PDLIM5: variants seen among roughly 807,000 people sequenced by gnomAD.
The protein encoded by PDLIM5 is PDZ and LIM domain protein 5.
A neutral mutation model predicts 64.2 loss-of-function variants in PDLIM5; 34 were observed. That is an observed-to-expected ratio of 0.53 (90% confidence interval 0.40 to 0.71). PDLIM5 has a LOEUF of 0.71. PDLIM5 is among the 30% of genes least tolerant of loss of function. The probability of loss-of-function intolerance (pLI) is 0.00; values close to 1 mark genes in which losing one functional copy is unlikely to be tolerated. For missense variants in PDLIM5, 683 were observed against 733.6 expected, an observed-to-expected ratio of 0.93 and a Z score of 0.80; for synonymous variants, 253 against 269.1, an observed-to-expected ratio of 0.94 and a Z score of 0.59.
At chr4:94,621,464 A>G (rs947422871) in intron 8 of PDLIM5, among the ~76,000 whole-genome samples, 3 of 152,204 alleles carry the variant, frequency 2.0e-5, no homozygotes, top group Admixed American at 6.5e-5. Context: ...TGGTATGGTA[A>G]TTGGAAGCTA....
rs1261479977 is a variant in PDLIM5, at chr4:94,666,534, A to C, written c.*2467A>C. On this transcript the variant is annotated 3_prime_UTR_variant, in exon 13 of 13. Coordinates refer to ENST00000317968, the MANE Select transcript of PDLIM5 (RefSeq NM_006457.5). ...ACATCTTTACAGTCTTGTATGTTAT[A>C]GAATACAAAATAAGTTGATGGTTTT... 1.3e-5 allele frequency: 2 copies of C among 152,852 alleles called. No homozygotes were observed. The highest frequency in any genetic ancestry group is 4.8e-5 in the African/African-American group (2 of 41,454). 9.5% of individuals were successfully genotyped at this position (152,852 alleles called of 1,614,324 possible). A position where few individuals can be genotyped will look rare whatever the true frequency, so the allele number is the denominator to read the frequency against.
chr4:94,489,503 C>T (rs1726663465), intron 2 of PDLIM5, among the ~76,000 whole-genome samples: 1 of 151,906 alleles, frequency 6.6e-6, no homozygotes, highest in Non-Finnish European at 1.5e-5. Context: ...TAATTAGGTG[C>T]AGAATATTCA....
At chr4:94,660,885 C>A (rs1247076909) in intron 11 of PDLIM5, among the ~76,000 whole-genome samples, 1 of 151,078 alleles carries the variant, frequency 6.6e-6, no homozygotes, top group Non-Finnish European at 1.5e-5. Flanking sequence ...CCAGCCTGGG[C>A]AAGATGGGGA....
intron 2 of PDLIM5, among the ~76,000 whole-genome samples, chr4:94,513,897 C>T (rs1729118352): frequency 6.6e-6 from 1 of 152,062 alleles, no homozygotes; most frequent in Non-Finnish European, 1.5e-5. Context: ...TGGTATGTTC[C>T]TCTATTCCCA....
At chr4:94,544,584 C>T (rs1262234443) in intron 3 of PDLIM5, among the ~76,000 whole-genome samples, 7 of 152,200 alleles carry the variant, frequency 4.6e-5, no homozygotes, top group Non-Finnish European at 8.8e-5. Context: ...TCCACCACCA[C>T]ACTGTGATGG....
intron 3 of PDLIM5, chr4:94,549,987 A>T (rs1268462491): frequency 2.0e-5 from 3 of 152,158 alleles, no homozygotes; most frequent in Non-Finnish European, 2.9e-5. Context: ...ATATTTGTAT[A>T]ATGATTTACA....
chr4:94,665,777 AG>A lies in PDLIM5; in HGVS notation c.*1711del. 7.9e-7 allele frequency: 1 copy of A among 1,273,434 alleles called. No individual in the cohort carries two copies. The highest frequency in any genetic ancestry group is 9.9e-7 in the Non-Finnish European group (1 of 1,012,206). The allele number at this position is 1,273,434 out of a possible 1,614,324, so 78.9% of individuals were successfully genotyped here. Reference sequence around the variant, plus strand: ...TTTTTGTGGTTTTCTCTCAATAATAAGTGAACCAATTTCAAATGTGATCACA... The same window carrying A: ...TTTTTGTGGTTTTCTCTCAATAATAATGAACCAATTTCAAATGTGATCACA... On this transcript the variant is annotated 3_prime_UTR_variant, in exon 13 of 13. Transcript: ENST00000317968.
chr4:94,571,651 G>C (rs779748029), intron 3 of PDLIM5, among the ~76,000 whole-genome samples: 2 of 152,028 alleles, frequency 1.3e-5, no homozygotes, highest in African/African-American at 4.8e-5. Flanking sequence ...AATTTTTTTC[G>C]TAATTATACC....
intron 7 of PDLIM5, among the ~76,000 whole-genome samples, chr4:94,602,108 T>G (rs910757147): frequency 1.4e-4 from 21 of 152,214 alleles, no homozygotes; most frequent in African/African-American, 5.1e-4. Context: ...AAGGACAATT[T>G]ATTGTCATTT....
At chr4:94,607,724 C>T (rs1249228448) in intron 7 of PDLIM5, among the ~76,000 whole-genome samples, 4 of 152,118 alleles carry the variant, frequency 2.6e-5, no homozygotes, top group Non-Finnish European at 5.9e-5. Flanking sequence ...TATTGGGCAA[C>T]TTAATTAACT....
At chr4:94,649,545 A>G (rs1430052191) in intron 9 of PDLIM5, among the ~76,000 whole-genome samples, 1 of 151,982 alleles carries the variant, frequency 6.6e-6, no homozygotes, top group Non-Finnish European at 1.5e-5. Context: ...TCTTACTGTC[A>G]TCTCCCTGCC....
At chr4:94,561,253 G>A (rs78350590) in intron 3 of PDLIM5, among the ~76,000 whole-genome samples, 2,480 of 152,304 alleles carry the variant, frequency 0.016, 66 homozygotes, top group African/African-American at 0.057. Context: ...GTTCCCTTGA[G>A]CTTGAAGAGA....
intron 3 of PDLIM5, among the ~76,000 whole-genome samples, chr4:94,542,586 G>A (rs1163116772): frequency 2.0e-5 from 3 of 152,112 alleles, no homozygotes; most frequent in Non-Finnish European, 4.4e-5. Context: ...TGGCTAAAGT[G>A]TCTCTTTGGG....
chr4:94,456,464 C>G, intron 2 of PDLIM5: 1 of 700,710 alleles, frequency 1.4e-6, no homozygotes. Context: ...TCCCAAAGTG[C>G]TAAGATTACA....
intron 2 of PDLIM5, among the ~76,000 whole-genome samples, chr4:94,474,376 G>T (rs916105630): frequency 6.6e-6 from 1 of 151,884 alleles, no homozygotes; most frequent in South Asian, 2.1e-4. Flanking sequence ...TCAGCCTCCC[G>T]AGCGGCTGGG....
chr4:94,529,197 A>T (rs1203813595), intron 3 of PDLIM5, among the ~76,000 whole-genome samples: 1 of 152,156 alleles, frequency 6.6e-6, no homozygotes, highest in Non-Finnish European at 1.5e-5. Context: ...TTTGGAGAGA[A>T]ATAACTTACA....
chr4:94,637,081 G>C (rs976263185), intron 8 of PDLIM5, among the ~76,000 whole-genome samples: 3 of 152,134 alleles, frequency 2.0e-5, no homozygotes, highest in African/African-American at 7.2e-5. Context: ...GCATGTTCAA[G>C]GGATAGTGAA....
At chr4:94,580,717 G>A (rs1316739845) in intron 5 of PDLIM5, among the ~76,000 whole-genome samples, 1 of 152,000 alleles carries the variant, frequency 6.6e-6, no homozygotes, top group Non-Finnish European at 1.5e-5. Flanking sequence ...CATGCCAAGA[G>A]ATTACATACC....
rs1365350419 is a variant in PDLIM5 at position 94,546,760 on chromosome 4, C to T, written c.248+22885C>T. Among the ~76,000 whole-genome samples the T allele has an allele frequency of 1.3e-5, 2 of 151,902 alleles. 1 individual carries two copies. Among genetic ancestry groups the T allele is most frequent in the South Asian group, 4.2e-4 (2 of 4,818 alleles). On this transcript the variant is annotated intron_variant, in intron 3 of 12. Transcript: ENST00000317968. ...ACACCAGGGATATTAAATTTTTTAA[C>T]GTTAGTGTTATATATATTACTTAAA...
Sources: allele counts gnomAD v4.1 joint callset (sites outside exome capture counted in the v4.1 genomes callset), GRCh38; gene constraint gnomAD v4.1.1; transcripts MANE v1.5; gene names NCBI Gene and HGNC (gene_info 2026-07-23, HGNC 2026-07-21).